Variants in GKAP1 observed in about 807,000 individuals in gnomAD.
GKAP1 encodes the protein G kinase anchoring protein 1, also known as G kinase-anchoring protein 1.
A neutral mutation model predicts 56.7 loss-of-function variants in GKAP1; 31 were observed. That is an observed-to-expected ratio of 0.55 (90% CI 0.41 to 0.74). The LOEUF is 0.74. Among genes scored for constraint, GKAP1 ranks in the 30% least tolerant of loss-of-function variants. The probability of loss-of-function intolerance (pLI) is 0.00; values close to 1 mark genes in which losing one functional copy is unlikely to be tolerated. For synonymous variants in GKAP1, 151 were observed against 138.6 expected, an observed-to-expected ratio of 1.09 and a Z score of -0.63; for missense variants, 364 against 402.3, an observed-to-expected ratio of 0.90 and a Z score of 0.82.
chr9:83,784,627 GT>G, intron 6 of GKAP1, 87 bp downstream of exon 6: 6 of 960,998 alleles, frequency 6.2e-6, no homozygotes, highest in Non-Finnish European at 8.9e-6. Flanking sequence ...TTTACTTATT[GT>G]TTAAAAATTA....
intron 3 of GKAP1, among the ~76,000 whole-genome samples, chr9:83,804,659 C>T (rs1421243440): frequency 6.9e-6 from 1 of 145,420 alleles, no homozygotes; most frequent in South Asian, 2.2e-4. Context: ...GCCGCCCCGT[C>T]CGGGAGGGAG....
chr9:83,777,712 A>G (rs1943886928), intron 7 of GKAP1, among the ~76,000 whole-genome samples: 1 of 152,208 alleles, frequency 6.6e-6, no homozygotes, highest in African/African-American at 2.4e-5. Context: ...TAGCCATGAA[A>G]AAAAAATCCC....
chr9:83,771,483 G>A (rs931145687), intron 7 of GKAP1, among the ~76,000 whole-genome samples: 4 of 152,156 alleles, frequency 2.6e-5, no homozygotes, highest in African/African-American at 9.7e-5. Context: ...ATCTTAGAAA[G>A]TAAAGTGTTT....
intron 3 of GKAP1, among the ~76,000 whole-genome samples, chr9:83,800,079 G>GA (rs1277633386): frequency 6.6e-6 from 1 of 152,092 alleles, no homozygotes; most frequent in Non-Finnish European, 1.5e-5. Flanking sequence ...TGCTAGTCCT[G>GA]AAAAATACAG....
rs145818313 is a variant in GKAP1, at chr9:83,802,349, C to T, written c.217-3021G>A. On this transcript the variant is annotated intron_variant, in intron 3 of 12. Transcript: ENST00000376371. ...TAAAAATTAGCCAGGTGTGGTGGCA[C>T]GTGCCTGTAGTCCCAGCTACTCGAG... Among the ~76,000 whole-genome samples the T allele has an allele frequency of 2.9e-3, 439 of 149,356 alleles. 2 individuals carry two copies. Among genetic ancestry groups the T allele is most frequent in the African/African-American group, 0.01 (402 of 40,054 alleles).
intron 2 of GKAP1, among the ~76,000 whole-genome samples, chr9:83,807,333 CT>C (rs1944453920): frequency 6.6e-6 from 1 of 152,154 alleles, no homozygotes; most frequent in Non-Finnish European, 1.5e-5. Context: ...AAGTTAGCGG[CT>C]GAGTCTCCAC....
chr9:83,742,655 A>G, intron 10 of GKAP1, 55 bp from the exon 11 acceptor site: 1 of 1,101,270 alleles, frequency 9.1e-7, no homozygotes, highest in Non-Finnish European at 1.4e-6. Context: ...AAATACTTCA[A>G]CAATACTTCA....
In GKAP1 at chr9:83,739,518, ATT is replaced by A. The variant is rs1275527886; in HGVS notation, c.*177_*178del. The A allele has an allele frequency of 2.3e-6, 1 of 430,936 alleles. No homozygotes were observed. The allele number at this position is 430,936 out of a possible 1,614,324, so 26.7% of individuals were successfully genotyped here. On this transcript the variant is annotated 3_prime_UTR_variant, in exon 13 of 13. Transcript: ENST00000376371. ...CCACTGAATTCTGCTGGAATTCTCT[ATT>A]TCTTCTTTTTCACTTTAAGCCAAAA...
intron 2 of GKAP1, among the ~76,000 whole-genome samples, chr9:83,813,982 C>A (rs142254698): frequency 6.6e-6 from 1 of 152,090 alleles, no homozygotes; most frequent in African/African-American, 2.4e-5. Flanking sequence ...TGACTGTGGT[C>A]CCAGCTACTT....
intron 8 of GKAP1, among the ~76,000 whole-genome samples, chr9:83,760,598 G>A (rs548521332): frequency 1.3e-5 from 2 of 152,190 alleles, no homozygotes; most frequent in East Asian, 1.9e-4. Flanking sequence ...TCACTCTCAA[G>A]GATAGACCCT....
chr9:83,739,721 G>A lies in GKAP1; in HGVS notation c.1077C>T (p.Asn359=), dbSNP rs762130046. 6.2e-7 allele frequency: 1 copy of A among 1,605,512 alleles called. No individual in the cohort carries two copies. The highest frequency in any genetic ancestry group is 1.1e-5 in the South Asian group (1 of 90,156). ...KYQGGRKGKR[N]SESDQCR Reference sequence around the variant, plus strand: ...ATCACCTACACTGGTCGGATTCAGAGTTTCTTTTCCCTTTTCTGCCACCCT... The same window carrying A: ...ATCACCTACACTGGTCGGATTCAGAATTTCTTTTCCCTTTTCTGCCACCCT... The change falls in exon 13 of 13, where the codon AAC becomes AAT. Residue 359 remains asparagine, a synonymous_variant. Coordinates refer to ENST00000376371, the MANE Select transcript of GKAP1 (RefSeq NM_025211.4).
At chr9:83,781,388 G>A (rs1307622690) in intron 6 of GKAP1, among the ~76,000 whole-genome samples, 1 of 152,134 alleles carries the variant, frequency 6.6e-6, no homozygotes, top group Non-Finnish European at 1.5e-5. Context: ...TAGTGGGCAA[G>A]TATTCTTATT....
chr9:83,785,714 C>G (rs938505412), intron 5 of GKAP1, among the ~76,000 whole-genome samples: 11 of 152,172 alleles, frequency 7.2e-5, no homozygotes, highest in African/African-American at 2.7e-4. Flanking sequence ...CTCCCTTTTG[C>G]TTGGATACTG....
chr9:83,806,908 T>C (rs982552721), intron 2 of GKAP1, among the ~76,000 whole-genome samples: 1 of 152,194 alleles, frequency 6.6e-6, no homozygotes, highest in African/African-American at 2.4e-5. Context: ...AATATCATTT[T>C]TTCATGATAC....
At chr9:83,798,360 T>C (rs905424480) in intron 4 of GKAP1, among the ~76,000 whole-genome samples, 1 of 152,238 alleles carries the variant, frequency 6.6e-6, no homozygotes, top group African/African-American at 2.4e-5. Context: ...ACAAAAAAGA[T>C]ATGTATTCGT....
chr9:83,804,552 C>T (rs1479844353), intron 3 of GKAP1, among the ~76,000 whole-genome samples: 2 of 110,164 alleles, frequency 1.8e-5, no homozygotes, highest in Non-Finnish European at 3.8e-5. Context: ...CCCAGCCAGA[C>T]GCCCCGTCCG....
At chr9:83,788,183 C>T (rs992149063) in intron 5 of GKAP1, among the ~76,000 whole-genome samples, 4 of 152,092 alleles carry the variant, frequency 2.6e-5, no homozygotes, top group African/African-American at 7.2e-5. Flanking sequence ...GAGGCTGAGG[C>T]GTGAGAATCG....
chr9:83,773,913 ATAT>A (rs1284428038), intron 7 of GKAP1, among the ~76,000 whole-genome samples: 2 of 152,206 alleles, frequency 1.3e-5, no homozygotes, highest in African/African-American at 4.8e-5. Context: ...CAATTTAACC[ATAT>A]TATCATCATC....
intron 4 of GKAP1, among the ~76,000 whole-genome samples, chr9:83,798,006 C>A (rs1426209639): frequency 6.6e-6 from 1 of 152,108 alleles, no homozygotes; most frequent in East Asian, 1.9e-4. Flanking sequence ...TCCAGTATAC[C>A]AGTACCTGGA....
Sources: gnomAD v4.1 joint callset for allele counts (sites outside exome capture counted in the v4.1 genomes callset) on GRCh38, gnomAD v4.1.1 for gene constraint, MANE v1.5 for transcripts, NCBI Gene and HGNC (gene_info 2026-07-23, HGNC 2026-07-21) for gene names.